RPTOR: variants seen among roughly 807,000 people sequenced by gnomAD.
RPTOR encodes regulatory-associated protein of mTOR.
A neutral mutation model predicts 169.9 loss-of-function variants in RPTOR; 21 were observed. That is an observed-to-expected ratio of 0.12 (90% CI 0.09 to 0.18). The LOEUF is 0.18. Among genes scored for constraint, RPTOR ranks in the 10% least tolerant of loss-of-function variants. The pLI is 1.00. For synonymous variants in RPTOR, 732 were observed against 753.2 expected, an observed-to-expected ratio of 0.97 and a Z score of 0.46; for missense variants, 1,133 against 1,855.9, an observed-to-expected ratio of 0.61 and a Z score of 7.16.
chr17:80,672,565 C>T (rs1228157022), intron 3 of RPTOR, among the ~76,000 whole-genome samples: 1 of 152,022 alleles, frequency 6.6e-6, no homozygotes, highest in Non-Finnish European at 1.5e-5. Context: ...CCGAGGCGGG[C>T]AGATCACGAA....
At chr17:80,656,249 T>A (rs1345419395) in intron 3 of RPTOR, among the ~76,000 whole-genome samples, 1 of 152,196 alleles carries the variant, frequency 6.6e-6, no homozygotes, top group Non-Finnish European at 1.5e-5. Context: ...TTTTGTATTT[T>A]TAGCAGAGAT....
At chr17:80,864,479 C>T (rs971107304) in intron 13 of RPTOR, among the ~76,000 whole-genome samples, 2 of 143,236 alleles carry the variant, frequency 1.4e-5, no homozygotes, top group African/African-American at 2.5e-5. Context: ...AGCGGAACAG[C>T]ATCTTTAAAG....
At chr17:80,842,993 T>G (rs967231837) in intron 10 of RPTOR, among the ~76,000 whole-genome samples, 1 of 152,254 alleles carries the variant, frequency 6.6e-6, no homozygotes, top group South Asian at 2.1e-4. Context: ...ACAGTTGTAA[T>G]GACAAACTCT....
intron 7 of RPTOR, among the ~76,000 whole-genome samples, chr17:80,819,827 C>G (rs914357574): frequency 6.6e-6 from 1 of 152,176 alleles, no homozygotes; most frequent in Non-Finnish European, 1.5e-5. Flanking sequence ...TCGGTCTTGT[C>G]TGTGTGACTC....
intron 3 of RPTOR, among the ~76,000 whole-genome samples, chr17:80,688,983 C>T (rs568455792): frequency 3.3e-5 from 5 of 152,328 alleles, no homozygotes; most frequent in South Asian, 2.1e-4. Flanking sequence ...TGCAGAACGG[C>T]AGCTGCCCTG....
intron 20 of RPTOR, among the ~76,000 whole-genome samples, chr17:80,904,035 G>C (rs747098009): frequency 6.3e-4 from 96 of 152,248 alleles, no homozygotes; most frequent in Non-Finnish European, 9.4e-4. Context: ...TCTCGTAGGG[G>C]TACTGAATAT....
rs34830902 is a variant in RPTOR at position 80,746,162 on chromosome 17, CA to C, written c.655-7832del. Among the ~76,000 whole-genome samples the C allele has an allele frequency of 0.32, 28,539 of 90,342 alleles. 4,560 individuals are homozygous for C. Among genetic ancestry groups the C allele is most frequent in the East Asian group, 0.59 (2,132 of 3,634 alleles). The allele number at this position is 90,342 out of a possible 152,430, so 59.3% of individuals were successfully genotyped here. A position where few individuals can be genotyped will look rare whatever the true frequency, so the allele number is the denominator to read the frequency against. On this transcript the variant is annotated intron_variant, in intron 5 of 33. Coordinates refer to ENST00000306801, the MANE Select transcript of RPTOR (RefSeq NM_020761.3). This position sits in a 1 kb window ranked among gnomAD's most constrained non-coding sequence, Gnocchi z 4.5. ...GGGTGACAAGAGCAAACCTCCATCT[CA>C]AAAAAAAAAAAAAAAGTGCAGTGCA...
rs767035210 is a variant in RPTOR at position 80,961,387 on chromosome 17, C to T, written c.3606-7C>T. The T allele has an allele frequency of 1.3e-6, 2 of 1,547,000 alleles. No individual in the cohort carries two copies. Among genetic ancestry groups the T allele is most frequent in the South Asian group, 1.2e-5 (1 of 83,998 alleles). On this transcript the variant is annotated splice_polypyrimidine_tract_variant and splice_region_variant and intron_variant, in intron 30 of 33. Transcript: ENST00000306801. ...GCCCCACGCTGAGCGTGCCCCCTCC[C>T]CTACAGCCGCGTCATGACGTACCGG...
rs530882667 is a variant in RPTOR, at chr17:80,913,845, G to T, written c.2520+4916G>T. On this transcript the variant is annotated intron_variant, in intron 21 of 33. Transcript: ENST00000306801. ...CAGGAGCCTGCCTGTGGCCCCAGCA[G>T]TTCTCACCTCAGTGGTTTTAGGACA... Among the ~76,000 whole-genome samples, 17 of 152,292 alleles carry T rather than the reference G, an allele frequency of 1.1e-4. 1 individual carries two copies. The South Asian group carries it at 3.5e-3, about 32-fold the overall frequency.
chr17:80,850,478 C>A (rs2672898), intron 11 of RPTOR, among the ~76,000 whole-genome samples: 2 of 152,110 alleles, frequency 1.3e-5, no homozygotes, highest in Non-Finnish European at 2.9e-5. Flanking sequence ...GATCTCGGCT[C>A]ACTGCAGCCG....
chr17:80,805,922 G>T (rs1395321850), intron 7 of RPTOR, among the ~76,000 whole-genome samples: 2 of 152,088 alleles, frequency 1.3e-5, no homozygotes, highest in Non-Finnish European at 2.9e-5. Flanking sequence ...TGTTAAGTCA[G>T]GGAAACTTCC....
intron 1 of RPTOR, among the ~76,000 whole-genome samples, chr17:80,598,694 T>C (rs2065162136): frequency 6.6e-6 from 1 of 152,186 alleles, no homozygotes; most frequent in Non-Finnish European, 1.5e-5. Context: ...ACTGGTTTCT[T>C]TCCACATGTG....
At chr17:80,880,816 G>A (rs529073932) in intron 14 of RPTOR, among the ~76,000 whole-genome samples, 26 of 152,280 alleles carry the variant, frequency 1.7e-4, no homozygotes, top group Non-Finnish European at 3.5e-4. Context: ...TGTCCGCCGC[G>A]TTAGACTAGT....
At chr17:80,691,003 C>T (rs1249276299) in intron 3 of RPTOR, among the ~76,000 whole-genome samples, 1 of 152,114 alleles carries the variant, frequency 6.6e-6, no homozygotes, top group Non-Finnish European at 1.5e-5. Flanking sequence ...CTATGTTGCC[C>T]AGACTGGTTT....
rs577636391 is a variant in RPTOR, at chr17:80,900,211, G to A, written c.2401+6346G>A. 7.9e-5 allele frequency among the ~76,000 whole-genome samples: 12 copies of A among 152,154 alleles called. No individual in the cohort carries two copies. In the South Asian group the frequency reaches 1.5e-3, roughly 18 times the overall value. ...TTCTCTCAGCCGGGCATCTGTGGCC[G>A]TCTCCTCCCCGCCTCGCAGCCACCT... On this transcript the variant is annotated intron_variant, in intron 20 of 33. Transcript: ENST00000306801.
chr17:80,614,392 A>C (rs113248387), intron 1 of RPTOR, among the ~76,000 whole-genome samples: 196 of 152,338 alleles, frequency 1.3e-3, no homozygotes, highest in African/African-American at 4.2e-3. Context: ...CTCTGCTTGA[A>C]TTTTTGTCAA....
intron 5 of RPTOR, among the ~76,000 whole-genome samples, chr17:80,731,064 A>C (rs1487865633): frequency 2.0e-5 from 3 of 151,958 alleles, no homozygotes; most frequent in Non-Finnish European, 2.9e-5. Flanking sequence ...GTTTTTGTAG[A>C]GGTGGTGTTT....
At chr17:80,690,017 G>A (rs911509763) in intron 3 of RPTOR, among the ~76,000 whole-genome samples, 13 of 152,188 alleles carry the variant, frequency 8.5e-5, no homozygotes, top group Non-Finnish European at 1.6e-4. Flanking sequence ...AAGCATTCTA[G>A]GGGAGAGTCT....
At chr17:80,930,883 TG>T (rs2068889343) in intron 24 of RPTOR, among the ~76,000 whole-genome samples, 1 of 152,222 alleles carries the variant, frequency 6.6e-6, no homozygotes, top group Non-Finnish European at 1.5e-5. Context: ...TCTCCACACT[TG>T]GCTGTAGTGC....
Sources: allele counts gnomAD v4.1 joint callset (sites outside exome capture counted in the v4.1 genomes callset), GRCh38; gene constraint gnomAD v4.1.1; non-coding constraint Gnocchi (gnomAD v3.1); transcripts MANE v1.5; gene names NCBI Gene and HGNC (gene_info 2026-07-23, HGNC 2026-07-21).